BBOX1: variants seen among roughly 807,000 people sequenced by gnomAD.
The protein encoded by BBOX1 is gamma-butyrobetaine dioxygenase.
In BBOX1, 35 loss-of-function variants were observed where a neutral mutation model predicts 41.6. That is an observed-to-expected ratio of 0.84 (90% CI 0.64 to 1.11). The LOEUF (loss-of-function observed/expected upper bound fraction) is 1.11. Ranked by LOEUF, BBOX1 falls within the 50% of genes most tolerant of loss-of-function variation. The probability of loss-of-function intolerance (pLI) is 0.00; values close to 1 mark genes in which losing one functional copy is unlikely to be tolerated. For synonymous variants in BBOX1, 163 were observed against 154.7 expected, an observed-to-expected ratio of 1.05 and a Z score of -0.40; for missense variants, 458 against 460.6, an observed-to-expected ratio of 0.99 and a Z score of 0.05.
intron 5 of BBOX1, among the ~76,000 whole-genome samples, chr11:27,114,406 A>T (rs182816708): frequency 1.3e-4 from 20 of 151,980 alleles, no homozygotes; most frequent in African/African-American, 4.8e-4. Context: ...TATCAAATTT[A>T]TATGAAATTG....
rs747132327 is a variant in BBOX1, at chr11:27,119,686, G to C, written c.677G>C (p.Gly226Ala). Reference sequence around the variant, plus strand: ...CACTGCATAAAGCAAACAGTCACAGGGGGTGATTCAGAAATTGTAGATGGG... The same window carrying C: ...CACTGCATAAAGCAAACAGTCACAGCGGGTGATTCAGAAATTGTAGATGGG... ...LLHCIKQTVT[G>A]GDSEIVDGFN... is the part of the protein sequence containing the mutation. The change falls in exon 7 of 9, where the codon GGG becomes GCG. Residue 226 changes from glycine to alanine, a missense_variant. Transcript: ENST00000263182. 1 of 1,564,456 alleles carries C rather than the reference G, an allele frequency of 6.4e-7. No homozygotes were observed. The highest frequency in any genetic ancestry group is 1.2e-5 in the South Asian group (1 of 81,702).
Position 27,050,073 on chromosome 11 carries a change from G to A in BBOX1, c.-38-5320G>A, listed in dbSNP as rs145072712. ...GGTCCAATTTTATACTTCTTCATCTGGATATTTAGTAACACTCCACCATTT... is the reference window on the plus strand; with the variant it reads ...GGTCCAATTTTATACTTCTTCATCTAGATATTTAGTAACACTCCACCATTT... On this transcript the variant is annotated intron_variant, in intron 2 of 8. Coordinates refer to ENST00000263182, the MANE Select transcript of BBOX1 (RefSeq NM_003986.3). Among the ~76,000 whole-genome samples, 927 of 152,132 alleles carry A rather than the reference G, an allele frequency of 6.1e-3. 6 individuals carry two copies. The highest frequency in any genetic ancestry group is 0.01 in the Middle Eastern group (3 of 294).
At chr11:27,099,480 C>T (rs1858565159) in intron 5 of BBOX1, among the ~76,000 whole-genome samples, 3 of 151,770 alleles carry the variant, frequency 2.0e-5, no homozygotes, top group Admixed American at 2.0e-4. Context: ...TCTTGTATAG[C>T]ACTGCATGGA....
chr11:27,093,313 A>G lies in BBOX1; in HGVS notation c.480A>G (p.Gly160=). The G allele has an allele frequency of 1.2e-6, 2 of 1,612,584 alleles. No individual in the cohort carries two copies. The highest frequency in any genetic ancestry group is 1.7e-6 in the Non-Finnish European group (2 of 1,179,042). The stretch of plus-strand genomic sequence containing the variant: ...TCACCGGAGCATCTGACAAACCAGG[A>G]GAAGTTTCAAAACTTGGGAAAAGGA... ...VRLTGASDKP[G]EVSKLGKRMG... Residue 160 remains glycine, a synonymous_variant, in exon 5 of 9, where the codon GGA becomes GGG. Transcript: ENST00000263182.
chr11:27,098,523 T>C (rs1446315059), intron 5 of BBOX1, among the ~76,000 whole-genome samples: 1 of 152,088 alleles, frequency 6.6e-6, no homozygotes, highest in Non-Finnish European at 1.5e-5. Context: ...TAAAACAAAA[T>C]GAACAACACT....
At chr11:27,107,504 T>C (rs1023208295) in intron 5 of BBOX1, among the ~76,000 whole-genome samples, 9 of 152,072 alleles carry the variant, frequency 5.9e-5, no homozygotes, top group Non-Finnish European at 1.3e-4. Context: ...TGGATTAAGA[T>C]ATTATGTTGA....
intron 5 of BBOX1, among the ~76,000 whole-genome samples, chr11:27,097,047 T>C (rs552269895): frequency 1.4e-3 from 207 of 152,122 alleles, no homozygotes; most frequent in Non-Finnish European, 2.4e-3. Context: ...ATGAATACTT[T>C]CCTAGGACAA....
intron 2 of BBOX1, among the ~76,000 whole-genome samples, chr11:27,045,759 TCAAGAAATAA>T (rs533672659): frequency 9.9e-4 from 150 of 152,126 alleles, no homozygotes; most frequent in Non-Finnish European, 1.7e-3. Context: ...CTAAAAACAC[TCAAGAAATAA>T]CAGCCTTTTA....
Position 27,089,691 on chromosome 11 carries a change from T to C in BBOX1, c.335-3477T>C, listed in dbSNP as rs1362307398. On this transcript the variant is annotated intron_variant, in intron 4 of 8. Transcript: ENST00000263182. ...TTAACATCCCATCCACTTCTAATAC[T>C]CCATGAGCCCCTGATTTCTAACAAG... 2.6e-5 allele frequency among the ~76,000 whole-genome samples: 4 copies of C among 151,972 alleles called. 1 individual carries two copies. The South Asian group carries it at 6.2e-4, about 24-fold the overall frequency.
At chr11:27,103,091 G>A (rs901495860) in intron 5 of BBOX1, among the ~76,000 whole-genome samples, 1 of 152,044 alleles carries the variant, frequency 6.6e-6, no homozygotes, top group Non-Finnish European at 1.5e-5. Flanking sequence ...TTGGGAGGCC[G>A]AGGCAGGAGA....
At chr11:27,044,973 A>G (rs770387833) in intron 2 of BBOX1, among the ~76,000 whole-genome samples, 9 of 152,160 alleles carry the variant, frequency 5.9e-5, no homozygotes, top group African/African-American at 1.9e-4. Flanking sequence ...AAGAAAGTCA[A>G]TTATAGCTTG....
At chr11:27,076,630 C>T (rs527288312) in intron 4 of BBOX1, among the ~76,000 whole-genome samples, 38 of 152,232 alleles carry the variant, frequency 2.5e-4, no homozygotes, top group Admixed American at 1.2e-3. Context: ...GGCCATAAAG[C>T]TCCCAAAACT....
rs532628695 is a variant in BBOX1, at chr11:27,064,608, G to A, written c.334+7293G>A. ...TGCCTGCTGCTCAAAGAAAGACCATGGTTTTACAGTAAAAAAGGAGTTTAA... is the reference window on the plus strand; with the variant it reads ...TGCCTGCTGCTCAAAGAAAGACCATAGTTTTACAGTAAAAAAGGAGTTTAA... On this transcript the variant is annotated intron_variant, in intron 4 of 8. Transcript: ENST00000263182. Among the ~76,000 whole-genome samples the A allele has an allele frequency of 4.6e-5, 7 of 152,218 alleles. No homozygotes were observed. In the South Asian group the frequency reaches 1.0e-3, roughly 23 times the overall value.
At position 27,088,016 on chromosome 11, in the gene BBOX1, A is replaced by G. The variant is rs149422287; in HGVS notation, c.335-5152A>G. On this transcript the variant is annotated intron_variant, in intron 4 of 8. Coordinates refer to ENST00000263182, the MANE Select transcript of BBOX1 (RefSeq NM_003986.3). ...GAATATGGTTAACTTTACACATCTA[A>G]AAGATAATATATTTTTTAAAGAATA... Among the ~76,000 whole-genome samples, 118 of 152,190 alleles carry G rather than the reference A, an allele frequency of 7.8e-4. 1 individual carries two copies. In the East Asian group the frequency reaches 0.022, roughly 29 times the overall value.
intron 5 of BBOX1, among the ~76,000 whole-genome samples, chr11:27,110,826 A>G (rs1859034136): frequency 6.6e-6 from 1 of 151,954 alleles, no homozygotes; most frequent in African/African-American, 2.4e-5. Context: ...GTGTTTATTT[A>G]TTCAAAGATA....
chr11:27,067,474 T>C (rs998555179), intron 4 of BBOX1, among the ~76,000 whole-genome samples: 1 of 151,852 alleles, frequency 6.6e-6, no homozygotes, highest in Non-Finnish European at 1.5e-5. Context: ...GTGGCTCACA[T>C]CTGTAATCCC....
At chr11:27,057,560 G>A in intron 4 of BBOX1, 2 of 406,302 alleles carry the variant, frequency 4.9e-6, no homozygotes, top group Non-Finnish European at 8.8e-6. Context: ...TTGTGTCTTT[G>A]TCATCTAAAG....
At chr11:27,109,639 G>T (rs184136978) in intron 5 of BBOX1, among the ~76,000 whole-genome samples, 58 of 152,158 alleles carry the variant, frequency 3.8e-4, no homozygotes, top group African/African-American at 1.4e-3. Context: ...CTCAAATATG[G>T]CAATAGTTGG....
intron 2 of BBOX1, among the ~76,000 whole-genome samples, chr11:27,050,252 T>C (rs1851629802): frequency 6.6e-6 from 1 of 152,172 alleles, no homozygotes. Flanking sequence ...TTGATTATTA[T>C]AGTTTTGTAT....
Sources: gnomAD v4.1 joint callset for allele counts (sites outside exome capture counted in the v4.1 genomes callset) on GRCh38, gnomAD v4.1.1 for gene constraint, MANE v1.5 for transcripts, NCBI Gene and HGNC (gene_info 2026-07-23, HGNC 2026-07-21) for gene names.